TRPM3: variants seen among roughly 807,000 people sequenced by gnomAD.
The protein encoded by TRPM3 is long transient receptor potential channel 3.
Under a neutral mutation model 181.2 loss-of-function variants are expected in TRPM3, and 77 were observed. The ratio of observed to expected loss-of-function variants is 0.42; its 90% confidence interval spans 0.35 to 0.51. TRPM3 has a LOEUF of 0.51. Ranked by LOEUF, TRPM3 falls within the 20% of genes least tolerant of loss-of-function variation. The pLI is 0.01. For missense variants in TRPM3, 1,759 were observed against 2,196.7 expected (o/e 0.80, Z 3.98); for synonymous variants, 745 against 796.4 (o/e 0.94, Z 1.09).
chr9:70,869,493 G>T (rs1342648414), intron 1 of TRPM3, among the ~76,000 whole-genome samples: 1 of 151,960 alleles, frequency 6.6e-6, no homozygotes, highest in Non-Finnish European at 1.5e-5. Context: ...CACACAAGCG[G>T]CATTGTTCCA....
chr9:70,917,238 T>G, intron 1 of TRPM3: 1 of 1,569,184 alleles, frequency 6.4e-7, no homozygotes, highest in Non-Finnish European at 8.8e-7. Flanking sequence ...GCAATAGCAG[T>G]GAGTGCATCA....
At chr9:71,164,565 G>A (rs1469599391) in intron 1 of TRPM3, among the ~76,000 whole-genome samples, 1 of 152,076 alleles carries the variant, frequency 6.6e-6, no homozygotes, top group Non-Finnish European at 1.5e-5. Context: ...AGAAGAGTGT[G>A]AGGGAGAGAG....
intron 1 of TRPM3, among the ~76,000 whole-genome samples, chr9:71,238,709 A>G (rs776969079): frequency 6.6e-6 from 1 of 152,200 alleles, no homozygotes; most frequent in Non-Finnish European, 1.5e-5. Context: ...CATTCAGGCC[A>G]TGTGAAGGTT....
At chr9:70,818,046 G>A (rs1193597805) in intron 6 of TRPM3, among the ~76,000 whole-genome samples, 2 of 152,140 alleles carry the variant, frequency 1.3e-5, no homozygotes, top group Non-Finnish European at 2.9e-5. Flanking sequence ...TAACGTCAGT[G>A]TTGGCGTCAG....
At chr9:70,962,690 A>G (rs951905161) in intron 1 of TRPM3, among the ~76,000 whole-genome samples, 4 of 152,146 alleles carry the variant, frequency 2.6e-5, no homozygotes, top group Non-Finnish European at 4.4e-5. Context: ...ATAAATTACA[A>G]ACAGTAAGAG....
intron 1 of TRPM3, among the ~76,000 whole-genome samples, chr9:71,305,154 A>G (rs923778536): frequency 2.0e-5 from 3 of 152,208 alleles, no homozygotes; most frequent in African/African-American, 7.2e-5. Flanking sequence ...TCTTCTCATT[A>G]TACTTGCAAG....
chr9:71,158,060 T>C (rs1369055281), intron 1 of TRPM3, among the ~76,000 whole-genome samples: 1 of 152,176 alleles, frequency 6.6e-6, no homozygotes, highest in African/African-American at 2.4e-5. Context: ...TATTGTACAG[T>C]AAGACATATT....
At chr9:71,361,205 T>C (rs1417093498) in intron 1 of TRPM3, among the ~76,000 whole-genome samples, 1 of 152,198 alleles carries the variant, frequency 6.6e-6, no homozygotes, top group Non-Finnish European at 1.5e-5. Flanking sequence ...CAGGCTGGTC[T>C]TGAACTCCTG....
chr9:71,242,230 C>T (rs535906143), intron 1 of TRPM3, among the ~76,000 whole-genome samples: 2 of 152,276 alleles, frequency 1.3e-5, no homozygotes, highest in South Asian at 4.1e-4. Flanking sequence ...AATCAAAGTA[C>T]CTCCAGCTTA....
rs189603411 is a variant in TRPM3 at position 70,630,245 on chromosome 9, A to G, written c.1633-4728T>C. Among the ~76,000 whole-genome samples, 396 of 152,308 alleles carry G rather than the reference A, an allele frequency of 2.6e-3. 1 individual carries two copies. The highest frequency in any genetic ancestry group is 8.6e-3 in the African/African-American group (357 of 41,568). Reference sequence around the variant, plus strand: ...CTGTACCTCGGTTTATGCTGTGAAAATAGGTGGCTTGGACACAATAACTTC... The same window carrying G: ...CTGTACCTCGGTTTATGCTGTGAAAGTAGGTGGCTTGGACACAATAACTTC... On this transcript the variant is annotated intron_variant, in intron 12 of 25. Transcript: ENST00000677713.
At chr9:71,226,929 G>A (rs1298717990) in intron 1 of TRPM3, among the ~76,000 whole-genome samples, 1 of 151,840 alleles carries the variant, frequency 6.6e-6, no homozygotes. Context: ...TCCAATGACT[G>A]CAGAGTACAC....
chr9:70,667,473 G>T (rs1193423129), intron 9 of TRPM3, among the ~76,000 whole-genome samples: 1 of 152,128 alleles, frequency 6.6e-6, no homozygotes, highest in African/African-American at 2.4e-5. Flanking sequence ...CCTTCCCCTT[G>T]CATGGCCCTC....
chr9:71,315,301 T>C (rs1426571989), intron 1 of TRPM3, among the ~76,000 whole-genome samples: 2 of 152,170 alleles, frequency 1.3e-5, no homozygotes, highest in Admixed American at 6.5e-5. Flanking sequence ...CATTCACACA[T>C]GAACTTTTAG....
chr9:70,697,758 A>G (rs899521879), intron 8 of TRPM3, among the ~76,000 whole-genome samples: 2 of 152,170 alleles, frequency 1.3e-5, no homozygotes, highest in African/African-American at 4.8e-5. Context: ...TTATCAGTAT[A>G]ATTGTCATTA....
chr9:71,191,717 C>T (rs1187429778), intron 1 of TRPM3, among the ~76,000 whole-genome samples: 2 of 151,162 alleles, frequency 1.3e-5, no homozygotes, highest in Non-Finnish European at 3.0e-5. Flanking sequence ...AAAATATAAA[C>T]ATTTGCTCCC....
chr9:70,606,651 G>A (rs79348031), intron 19 of TRPM3, among the ~76,000 whole-genome samples: 22,405 of 140,500 alleles, frequency 0.16, 1,936 homozygotes, highest in East Asian at 0.25. Context: ...GTGTGTGTGT[G>A]TATATATATA....
intron 1 of TRPM3, among the ~76,000 whole-genome samples, chr9:71,015,712 C>A (rs887711066): frequency 6.6e-6 from 1 of 152,046 alleles, no homozygotes; most frequent in Non-Finnish European, 1.5e-5. Context: ...CCAAAACGTT[C>A]TTTTTTATAA....
intron 1 of TRPM3, among the ~76,000 whole-genome samples, chr9:71,409,384 C>T (rs1356043730): frequency 1.3e-5 from 2 of 152,098 alleles, no homozygotes; most frequent in Non-Finnish European, 2.9e-5. Flanking sequence ...CAGAGACACA[C>T]ATAGGCTCAA....
At chr9:71,401,201 A>G (rs1248261997) in intron 1 of TRPM3, among the ~76,000 whole-genome samples, 4 of 151,214 alleles carry the variant, frequency 2.6e-5, no homozygotes, top group Admixed American at 1.3e-4. Context: ...CCATCGCAAA[A>G]AAAAAAAAAA....
Sources: allele counts gnomAD v4.1 joint callset (sites outside exome capture counted in the v4.1 genomes callset), GRCh38; gene constraint gnomAD v4.1.1; transcripts MANE v1.5; gene names NCBI Gene and HGNC (gene_info 2026-07-23, HGNC 2026-07-21).